The following TOX variants were observed in gnomAD, a reference collection of about 807,000 sequenced individuals.
TOX encodes thymocyte selection associated high mobility group box.
Under a neutral mutation model 53.7 loss-of-function variants are expected in TOX, and 11 were observed. The ratio of observed to expected loss-of-function variants is 0.20; its 90% CI spans 0.13 to 0.34. The LOEUF is 0.34. Among genes scored for constraint, TOX ranks in the 10% least tolerant of loss-of-function variants. TOX has a pLI of 1.00. For synonymous variants in TOX, 225 were observed against 245.3 expected, an observed-to-expected ratio of 0.92 and a Z score of 0.77; for missense variants, 570 against 664.6, an observed-to-expected ratio of 0.86 and a Z score of 1.56.
chr8:58,830,795 A>G (rs573877452), intron 5 of TOX, among the ~76,000 whole-genome samples: 1 of 152,314 alleles, frequency 6.6e-6, no homozygotes, highest in South Asian at 2.1e-4. Context: ...GGCATTCTTC[A>G]TTCTGGGTAA....
chr8:59,060,241 T>G (rs1803957594), intron 1 of TOX, among the ~76,000 whole-genome samples: 1 of 152,190 alleles, frequency 6.6e-6, no homozygotes, highest in Non-Finnish European at 1.5e-5. Context: ...TTCATGTGGA[T>G]TACTCAAATC....
At position 59,118,852 on chromosome 8, in the gene TOX, A is replaced by G. The variant is rs1432554545; in HGVS notation, c.102+34T>C. 6.6e-7 allele frequency: 1 copy of G among 1,523,764 alleles called. No homozygotes were observed. Among genetic ancestry groups the G allele is most frequent in the South Asian group, 1.2e-5 (1 of 85,052 alleles). The allele number at this position is 1,523,764 out of a possible 1,614,324, so 94.4% of individuals were successfully genotyped here. ...CGCTCCCCTCCCAGGATCAAGCAGC[A>G]AGAACACGGTGGAAACAAAAGCAGA... is the stretch of plus-strand genomic sequence containing the variant. On this transcript the variant is annotated intron_variant, in intron 1 of 8. Transcript: ENST00000361421. This position sits in a 1 kb window ranked among gnomAD's most constrained non-coding sequence, Gnocchi z 4.1.
At chr8:59,006,483 A>T (rs1271156047) in intron 1 of TOX, among the ~76,000 whole-genome samples, 1 of 152,128 alleles carries the variant, frequency 6.6e-6, no homozygotes, top group East Asian at 1.9e-4. Context: ...GAAAGTTGTA[A>T]TTAGGTACAT....
At chr8:59,074,637 G>C (rs11987441) in intron 1 of TOX, among the ~76,000 whole-genome samples, 5,221 of 152,212 alleles carry the variant, frequency 0.034, 276 homozygotes, top group African/African-American at 0.12. Context: ...GGATGTTGTA[G>C]ACAGAAATTA....
chr8:58,860,483 T>A (rs569937387), intron 3 of TOX, among the ~76,000 whole-genome samples: 352 of 152,276 alleles, frequency 2.3e-3, no homozygotes, highest in Non-Finnish European at 4.2e-3. Context: ...AACATGACTG[T>A]GAGGATTAAC....
intron 1 of TOX, among the ~76,000 whole-genome samples, chr8:59,103,647 C>T (rs1463524894): frequency 6.6e-6 from 1 of 152,176 alleles, no homozygotes; most frequent in Admixed American, 6.5e-5. Flanking sequence ...TTCATTAGGG[C>T]ACTCCAGTGG....
chr8:58,982,543 A>G (rs1813225240), intron 1 of TOX, among the ~76,000 whole-genome samples: 1 of 152,158 alleles, frequency 6.6e-6, no homozygotes, highest in Non-Finnish European at 1.5e-5. Context: ...CTCCTTAGTC[A>G]CTGAAGCTTC....
intron 6 of TOX, among the ~76,000 whole-genome samples, chr8:58,825,788 T>C (rs1177104903): frequency 6.6e-6 from 1 of 152,228 alleles, no homozygotes; most frequent in Non-Finnish European, 1.5e-5. Flanking sequence ...TTCTATGTAA[T>C]ACATGCAGAA....
At chr8:59,011,193 C>T (rs565547766) in intron 1 of TOX, among the ~76,000 whole-genome samples, 30 of 152,298 alleles carry the variant, frequency 2.0e-4, no homozygotes, top group Non-Finnish European at 3.7e-4. Context: ...CATTGTTTAA[C>T]AAAAGCCAAG....
At chr8:58,838,032 T>C (rs1281285719) in intron 5 of TOX, 49 bp downstream of exon 5, 1 of 1,574,344 alleles carries the variant, frequency 6.4e-7, no homozygotes, top group African/African-American at 1.4e-5. Flanking sequence ...TTCTTCAGAC[T>C]GCACAATCTC....
intron 1 of TOX, among the ~76,000 whole-genome samples, chr8:58,999,406 G>GAA (rs377465063): frequency 2.7e-5 from 4 of 147,020 alleles, no homozygotes; most frequent in African/African-American, 1.0e-4. Context: ...AGTCAAAGGA[G>GAA]AAAAAAAAAA....
At chr8:58,935,454 C>T (rs1009262080) in intron 3 of TOX, among the ~76,000 whole-genome samples, 2 of 152,148 alleles carry the variant, frequency 1.3e-5, no homozygotes, top group Admixed American at 6.6e-5. Flanking sequence ...TGATCCTACA[C>T]ATAAATTTTC....
At chr8:58,870,473 G>A (rs1385762114) in intron 3 of TOX, among the ~76,000 whole-genome samples, 3 of 152,064 alleles carry the variant, frequency 2.0e-5, no homozygotes, top group Non-Finnish European at 4.4e-5. Context: ...TAACTTAATC[G>A]ATAGAGTCAA....
At chr8:58,825,269 T>C (rs1246548709) in intron 6 of TOX, among the ~76,000 whole-genome samples, 4 of 152,144 alleles carry the variant, frequency 2.6e-5, no homozygotes, top group Non-Finnish European at 5.9e-5. Flanking sequence ...TGTACATAAA[T>C]AGATATTCAA....
In TOX at chr8:58,807,668, C is replaced by T; in HGVS notation, c.*79G>A. 1 of 1,530,088 alleles carries T rather than the reference C, an allele frequency of 6.5e-7. No homozygotes were observed. Among genetic ancestry groups the T allele is most frequent in the Non-Finnish European group, 9.0e-7 (1 of 1,108,210 alleles). The allele number at this position is 1,530,088 out of a possible 1,614,324, so 94.8% of individuals were successfully genotyped here. A position where few individuals can be genotyped will look rare whatever the true frequency, so the allele number is the denominator to read the frequency against. The stretch of plus-strand genomic sequence containing the variant: ...TTGTATTTTCTAATAAAATGGAGAA[C>T]TGCCTTGACTGTACAAAGCAATCCA... On this transcript the variant is annotated 3_prime_UTR_variant, in exon 9 of 9. Transcript: ENST00000361421.
intron 1 of TOX, among the ~76,000 whole-genome samples, chr8:59,109,211 TG>T (rs752799521): frequency 6.6e-6 from 1 of 152,180 alleles, no homozygotes; most frequent in Non-Finnish European, 1.5e-5. Flanking sequence ...ATTCTCATTT[TG>T]GTACACACCT....
intron 3 of TOX, among the ~76,000 whole-genome samples, chr8:58,904,153 G>C (rs1056912750): frequency 6.6e-6 from 1 of 152,100 alleles, no homozygotes; most frequent in Non-Finnish European, 1.5e-5. Flanking sequence ...TGCTAAGAAA[G>C]ATACTAAAAT....
intron 1 of TOX, among the ~76,000 whole-genome samples, chr8:59,058,031 T>C (rs1803914349): frequency 6.6e-6 from 1 of 152,208 alleles, no homozygotes. Context: ...TTTTAAAATA[T>C]AAAACCAATA....
chr8:58,907,464 G>A (rs753478844), intron 3 of TOX, among the ~76,000 whole-genome samples: 34 of 152,072 alleles, frequency 2.2e-4, no homozygotes, highest in Non-Finnish European at 4.0e-4. Context: ...CTGTGATGGC[G>A]TGCACGTGTA....
Sources: allele counts gnomAD v4.1 joint callset (sites outside exome capture counted in the v4.1 genomes callset), GRCh38; gene constraint gnomAD v4.1.1; non-coding constraint Gnocchi (gnomAD v3.1); transcripts MANE v1.5; gene names NCBI Gene and HGNC (gene_info 2026-07-23, HGNC 2026-07-21).